The following CCDC178 variants were observed in gnomAD, a reference collection of about 807,000 sequenced individuals.
CCDC178 encodes the protein coiled-coil domain containing 178.
In CCDC178, 126 loss-of-function variants were observed where a neutral mutation model predicts 117.4. The ratio of observed to expected loss-of-function variants is 1.07; its 90% CI spans 0.93 to 1.24. The LOEUF (loss-of-function observed/expected upper bound fraction) is 1.24, where lower values mean the gene tolerates loss of function less well. CCDC178 is among the 50% of genes most tolerant of loss of function. CCDC178 has a pLI of 0.00. For missense variants in CCDC178, 1,030 were observed against 986.9 expected (o/e 1.04, Z -0.59); for synonymous variants, 283 against 313.4 (o/e 0.90, Z 1.02).
In CCDC178 at chr18:33,111,829, G is replaced by A. The variant is rs184737131; in HGVS notation, c.2239-18919C>T. Among the ~76,000 whole-genome samples, 559 of 151,766 alleles carry A rather than the reference G, an allele frequency of 3.7e-3. 8 individuals carry two copies. Among genetic ancestry groups the A allele is most frequent in the African/African-American group, 0.013 (546 of 41,526 alleles). On this transcript the variant is annotated intron_variant, in intron 20 of 22. Transcript: ENST00000383096. ...GGGTAGAAGTGAAAATACACGGTAA[G>A]CTATCAAGAAATATTATTAAGATAA...
chr18:33,025,570 A>G (rs1210026037), intron 21 of CCDC178, among the ~76,000 whole-genome samples: 1 of 152,210 alleles, frequency 6.6e-6, no homozygotes, highest in Non-Finnish European at 1.5e-5. Context: ...ATCCTGTTAG[A>G]AAATAGACAA....
chr18:33,073,504 C>CGTCT (rs1271403629), intron 21 of CCDC178, among the ~76,000 whole-genome samples: 1 of 142,018 alleles, frequency 7.0e-6, no homozygotes, highest in Non-Finnish European at 1.6e-5. Context: ...CTATAGTCAG[C>CGTCT]ATCTATCTAT....
intron 14 of CCDC178, among the ~76,000 whole-genome samples, chr18:33,261,521 G>A (rs2059750740): frequency 1.3e-5 from 2 of 152,054 alleles, no homozygotes; most frequent in Non-Finnish European, 2.9e-5. Context: ...TCATTTTGTG[G>A]ATTTGATGTT....
At chr18:33,293,366 TA>T in intron 11 of CCDC178, 54 bp from the exon 12 acceptor site, 1 of 1,148,026 alleles carries the variant, frequency 8.7e-7, no homozygotes, top group Admixed American at 2.5e-5. Flanking sequence ...AAATATATTT[TA>T]AATTATACTT....
chr18:33,381,212 C>A (rs748494186), intron 5 of CCDC178, among the ~76,000 whole-genome samples: 1 of 152,022 alleles, frequency 6.6e-6, no homozygotes, highest in Admixed American at 6.6e-5. Context: ...TAAGCCTGAA[C>A]AATAGTAATA....
chr18:32,995,873 G>A (rs1005973696), intron 21 of CCDC178, among the ~76,000 whole-genome samples: 4 of 151,384 alleles, frequency 2.6e-5, no homozygotes, highest in African/African-American at 9.7e-5. Context: ...TCTGGAGTCA[G>A]GATGCTTGTA....
intron 20 of CCDC178, among the ~76,000 whole-genome samples, chr18:33,185,921 A>G (rs2058787827): frequency 6.6e-6 from 1 of 151,980 alleles, no homozygotes; most frequent in Non-Finnish European, 1.5e-5. Flanking sequence ...TTGAAAGAAA[A>G]AAAAACCACT....
At chr18:33,370,233 T>C in intron 5 of CCDC178, 44 bp from the exon 6 acceptor site, 1 of 1,436,136 alleles carries the variant, frequency 7.0e-7, no homozygotes, top group Non-Finnish European at 9.3e-7. Context: ...CTATACAAAG[T>C]AGTAAATTTT....
chr18:33,179,078 A>AAAAAAAAT lies in CCDC178; in HGVS notation c.2238+32817_2238+32818insATTTTTTT, dbSNP rs71159804. Among the ~76,000 whole-genome samples the AAAAAAAAT allele has an allele frequency of 2.0e-4, 11 of 55,820 alleles. 1 individual carries two copies. The highest frequency in any genetic ancestry group is 6.8e-4 in the African/African-American group (6 of 8,836). 36.6% of individuals were successfully genotyped at this position (55,820 alleles called of 152,430 possible). ...ACTCAGTAAAAAAAAAAAAAAAAAA[A>AAAAAAAAT]ATATATATATATATATATATATATA... On this transcript the variant is annotated intron_variant, in intron 20 of 22. Transcript: ENST00000383096.
intron 14 of CCDC178, among the ~76,000 whole-genome samples, chr18:33,247,225 A>G (rs2059561764): frequency 6.6e-6 from 1 of 151,818 alleles, no homozygotes. Context: ...AGACCTAGCA[A>G]TCAGAGTGTG....
intron 20 of CCDC178, among the ~76,000 whole-genome samples, chr18:33,103,010 A>T (rs1009211220): frequency 4.0e-5 from 6 of 151,804 alleles, no homozygotes; most frequent in Non-Finnish European, 8.8e-5. Context: ...ATAGACAAAC[A>T]TTTGCTAACC....
At chr18:33,279,729 G>A (rs1384847854) in intron 12 of CCDC178, among the ~76,000 whole-genome samples, 1 of 152,126 alleles carries the variant, frequency 6.6e-6, no homozygotes, top group Non-Finnish European at 1.5e-5. Context: ...AACCAAAACA[G>A]CATGGTACTG....
At chr18:32,963,515 TC>T (rs1419574896) in intron 22 of CCDC178, among the ~76,000 whole-genome samples, 1 of 152,062 alleles carries the variant, frequency 6.6e-6, no homozygotes, top group African/African-American at 2.4e-5. Context: ...TCTCTGATGC[TC>T]CCCGTGTTGC....
At chr18:33,393,749 T>C (rs1371495527) in intron 4 of CCDC178, among the ~76,000 whole-genome samples, 5 of 152,100 alleles carry the variant, frequency 3.3e-5, no homozygotes, top group African/African-American at 1.2e-4. Flanking sequence ...GATGGACATT[T>C]AGGTTGTTTC....
In CCDC178 at chr18:33,092,807, T is replaced by A. The variant is rs186514123; in HGVS notation, c.2342A>T (p.Tyr781Phe). Reference protein sequence around the residue: ...LKEKDNYFNIYDKQLSLDTSI... With the variant: ...LKEKDNYFNIFDKQLSLDTSI... ...AGTATCAAGTGATAGCTGTTTATCA[T>A]ATATATTGAAATAATTGTCCTTTTC... The change falls in exon 21 of 23, where the codon TAT (tyrosine) becomes TTT (phenylalanine). Residue 781 changes from tyrosine (Y) to phenylalanine (F), a missense_variant. Tyr to Phe is a conservative substitution (Grantham distance 22, BLOSUM62 3). Transcript: ENST00000383096. The A allele has an allele frequency of 6.4e-7, 1 of 1,553,940 alleles. No individual in the cohort carries two copies. Among genetic ancestry groups the A allele is most frequent in the South Asian group, 1.2e-5 (1 of 86,746 alleles).
chr18:33,264,983 T>C (rs887384828), intron 14 of CCDC178, among the ~76,000 whole-genome samples: 1 of 152,072 alleles, frequency 6.6e-6, no homozygotes, highest in African/African-American at 2.4e-5. Flanking sequence ...GTGTCCTTAT[T>C]AGATCACCGA....
chr18:33,155,305 G>A lies in CCDC178; in HGVS notation c.2238+56591C>T, dbSNP rs778694018. Among the ~76,000 whole-genome samples, 53 of 152,028 alleles carry A rather than the reference G, an allele frequency of 3.5e-4. 1 individual carries two copies. The South Asian group carries it at 6.9e-3, about 20-fold the overall frequency. On this transcript the variant is annotated intron_variant, in intron 20 of 22. Coordinates refer to ENST00000383096, the MANE Select transcript of CCDC178 (RefSeq NM_001105528.4). ...CTGAATGGGAAATTTGAACATTTAC[G>A]GTAGAATGAAAATAAAAAGATAAAA...
intron 14 of CCDC178, among the ~76,000 whole-genome samples, chr18:33,261,701 A>G (rs2144749611): frequency 6.6e-6 from 1 of 152,260 alleles, no homozygotes; most frequent in Middle Eastern, 3.4e-3. Context: ...TGTCCCCATA[A>G]ATAGTCATTT....
chr18:33,147,703 C>T (rs1305630103), intron 20 of CCDC178, among the ~76,000 whole-genome samples: 1 of 152,146 alleles, frequency 6.6e-6, no homozygotes, highest in East Asian at 1.9e-4. Context: ...TATAGATTAA[C>T]AGCATCCCAA....
Sources: gnomAD v4.1 joint callset for allele counts (sites outside exome capture counted in the v4.1 genomes callset) on GRCh38, gnomAD v4.1.1 for gene constraint, MANE v1.5 for transcripts, NCBI Gene and HGNC (gene_info 2026-07-23, HGNC 2026-07-21) for gene names.